Variants in CTNNA2 observed in about 807,000 individuals in gnomAD.
The protein encoded by CTNNA2 is catenin alpha-2.
A neutral mutation model predicts 101.0 loss-of-function variants in CTNNA2; 42 were observed. The observed-to-expected ratio is 0.42, with a 90% CI of 0.32 to 0.54. CTNNA2 has a LOEUF of 0.54. Ranked by LOEUF, CTNNA2 falls within the 20% of genes least tolerant of loss-of-function variation. The pLI, the probability that CTNNA2 is intolerant of heterozygous loss-of-function variation, is 0.14. For synonymous variants in CTNNA2, 450 were observed against 456.4 expected (o/e 0.99, Z 0.18); for missense variants, 871 against 1,223.1 (o/e 0.71, Z 4.29).
intron 7 of CTNNA2, among the ~76,000 whole-genome samples, chr2:80,012,100 C>T (rs1431401384): frequency 1.3e-5 from 2 of 152,168 alleles, no homozygotes; most frequent in Non-Finnish European, 2.9e-5. Flanking sequence ...TGAGACCAGT[C>T]TCCCTCCCTT....
intron 2 of CTNNA2, among the ~76,000 whole-genome samples, chr2:79,238,143 T>C (rs1674580743): frequency 6.6e-6 from 1 of 152,172 alleles, no homozygotes; most frequent in Non-Finnish European, 1.5e-5. Context: ...CTTCCTTTCA[T>C]CTGAAAACTT....
At chr2:79,794,749 A>G (rs1573987013) in intron 3 of CTNNA2, among the ~76,000 whole-genome samples, 2 of 152,232 alleles carry the variant, frequency 1.3e-5, no homozygotes, top group South Asian at 4.1e-4. Context: ...GTAAGTATGT[A>G]CATTCTGCCA....
At chr2:80,395,819 G>C (rs971972740) in intron 8 of CTNNA2, among the ~76,000 whole-genome samples, 1 of 152,164 alleles carries the variant, frequency 6.6e-6, no homozygotes, top group Non-Finnish European at 1.5e-5. Flanking sequence ...CTGTACACAT[G>C]TATTCCTTTG....
In CTNNA2 at chr2:79,415,116, A is replaced by G. The variant is rs1026813512; in HGVS notation, c.-135+41103A>G. On this transcript the variant is annotated intron_variant, in intron 4 of 21. Coordinates refer to the CTNNA2 transcript ENST00000466387. ...ATCCTCAGTGTTGGAAATGGGGCCT[A>G]ATGGGAGGTATTGGATCATGGCAAT... Among the ~76,000 whole-genome samples the G allele has an allele frequency of 1.0e-3, 157 of 152,196 alleles. 2 individuals carry two copies. The highest frequency in any genetic ancestry group is 0.01 in the Admixed American group (154 of 15,264).
rs145630767 is a variant in CTNNA2 at position 79,887,951 on chromosome 2, C to T, written c.852+13609C>T. ...CCTACACTGACATCTGGTGGCCAAA[C>T]AAAGCATTAAGAAACACTCCTGTGG... On this transcript the variant is annotated intron_variant, in intron 6 of 18. Transcript: ENST00000402739. Among the ~76,000 whole-genome samples, 439 of 152,254 alleles carry T rather than the reference C, an allele frequency of 2.9e-3. 3 individuals carry two copies. The highest frequency in any genetic ancestry group is 1.0e-2 in the African/African-American group (415 of 41,544).
chr2:80,306,204 G>A (rs1676929081), intron 7 of CTNNA2, among the ~76,000 whole-genome samples: 1 of 152,040 alleles, frequency 6.6e-6, no homozygotes, highest in Admixed American at 6.5e-5. Flanking sequence ...TAATTGGAAG[G>A]AACACAAATC....
intron 7 of CTNNA2, among the ~76,000 whole-genome samples, chr2:80,110,253 G>T (rs1179159711): frequency 6.6e-6 from 1 of 152,118 alleles, no homozygotes; most frequent in African/African-American, 2.4e-5. Context: ...CATTGAGTGG[G>T]TATCTATTAG....
At chr2:79,952,931 A>C (rs1036157909) in intron 7 of CTNNA2, among the ~76,000 whole-genome samples, 2 of 152,190 alleles carry the variant, frequency 1.3e-5, no homozygotes, top group Non-Finnish European at 2.9e-5. Flanking sequence ...TGTATTATTT[A>C]TACAGCATAC....
chr2:79,849,291 G>GTTTT (rs1230223462), intron 3 of CTNNA2, among the ~76,000 whole-genome samples: 1 of 142,936 alleles, frequency 7.0e-6, no homozygotes. Flanking sequence ...GCATGATAGG[G>GTTTT]TTTTTTTTTT....
chr2:79,862,932 T>C (rs897072099), intron 4 of CTNNA2, among the ~76,000 whole-genome samples: 8 of 152,186 alleles, frequency 5.3e-5, no homozygotes, highest in African/African-American at 1.7e-4. Context: ...CCAGAGGTAA[T>C]AGCTTCAGGC....
At chr2:80,138,413 A>G (rs1386949038) in intron 7 of CTNNA2, among the ~76,000 whole-genome samples, 2 of 152,172 alleles carry the variant, frequency 1.3e-5, no homozygotes, top group Non-Finnish European at 2.9e-5. Context: ...GAGTATTGTA[A>G]TAGCACCTGC....
At chr2:79,981,058 T>A (rs1691229951) in intron 7 of CTNNA2, among the ~76,000 whole-genome samples, 1 of 152,118 alleles carries the variant, frequency 6.6e-6, no homozygotes, top group Non-Finnish European at 1.5e-5. Context: ...TATGGAGAGA[T>A]TCTGAAAGAT....
intron 11 of CTNNA2, among the ~76,000 whole-genome samples, chr2:80,553,061 A>G (rs1288810980): frequency 1.9e-5 from 2 of 106,730 alleles, no homozygotes; most frequent in Non-Finnish European, 3.8e-5. Context: ...TACTAAAAAG[A>G]CAAAAAAAAA....
At chr2:80,313,659 G>A (rs1172916623) in intron 7 of CTNNA2, 2 of 1,599,166 alleles carry the variant, frequency 1.3e-6, no homozygotes, top group Middle Eastern at 1.7e-4. Flanking sequence ...GCACAGGTAT[G>A]CAGGAGAAGG....
intron 8 of CTNNA2, among the ~76,000 whole-genome samples, chr2:80,396,605 A>G (rs1678035049): frequency 6.6e-6 from 1 of 152,182 alleles, no homozygotes; most frequent in Admixed American, 6.5e-5. Context: ...GCCACCTATG[A>G]ACTATTCTAG....
chr2:79,208,329 A>G (rs1477076575), intron 2 of CTNNA2, among the ~76,000 whole-genome samples: 1 of 152,172 alleles, frequency 6.6e-6, no homozygotes, highest in Non-Finnish European at 1.5e-5. Flanking sequence ...TTCTCTAACA[A>G]TGAGCTCATG....
intron 7 of CTNNA2, among the ~76,000 whole-genome samples, chr2:80,297,428 T>A (rs963519264): frequency 1.3e-5 from 2 of 152,194 alleles, no homozygotes; most frequent in African/African-American, 4.8e-5. Context: ...TATTGTGATC[T>A]AGATAAAGGC....
chr2:80,506,362 G>T (rs746375444), intron 9 of CTNNA2, among the ~76,000 whole-genome samples: 20 of 152,190 alleles, frequency 1.3e-4, no homozygotes, highest in Non-Finnish European at 2.5e-4. Flanking sequence ...AGAAAACAAG[G>T]CTGGGCAGGC....
chr2:79,356,334 A>G (rs1388291818), intron 3 of CTNNA2, among the ~76,000 whole-genome samples: 1 of 152,096 alleles, frequency 6.6e-6, no homozygotes, highest in African/African-American at 2.4e-5. Flanking sequence ...ATAGTTCTTT[A>G]TAAATTCTTA....
Sources: gnomAD v4.1 joint callset for allele counts (sites outside exome capture counted in the v4.1 genomes callset) on GRCh38, gnomAD v4.1.1 for gene constraint, MANE v1.5 for transcripts, NCBI Gene and HGNC (gene_info 2026-07-23, HGNC 2026-07-21) for gene names.